CA12: variants seen among roughly 807,000 people sequenced by gnomAD.
CA12 encodes carbonate dehydratase XII.
Under a neutral mutation model 46.8 loss-of-function variants are expected in CA12, and 36 were observed. The ratio of observed to expected loss-of-function variants is 0.77; its 90% CI spans 0.59 to 1.02. The LOEUF is 1.02. Among genes scored for constraint, CA12 ranks in the 50% least tolerant of loss-of-function variants. The pLI is 0.00. For missense variants in CA12, 436 were observed against 451.4 expected, an observed-to-expected ratio of 0.97 and a Z score of 0.31; for synonymous variants, 202 against 187.0, an observed-to-expected ratio of 1.08 and a Z score of -0.65.
In CA12 at chr15:63,348,327, A is replaced by T. The variant is rs928786063; in HGVS notation, c.107-1618T>A. On this transcript the variant is annotated intron_variant, in intron 2 of 10. Coordinates refer to ENST00000178638, the MANE Select transcript of CA12 (RefSeq NM_001218.5). The surrounding 1 kb of genome is among the most constrained non-coding windows in gnomAD (Gnocchi z 4.6). ...CTCAAAATAACTCAACTACACCAAG[A>T]TGGTGACTAGGGAAGAGGGAGGCTG... Among the ~76,000 whole-genome samples the T allele has an allele frequency of 6.6e-6, 1 of 152,174 alleles. No individual in the cohort carries two copies. Among genetic ancestry groups the T allele is most frequent in the Non-Finnish European group, 1.5e-5 (1 of 68,018 alleles).
At chr15:63,358,409 C>T (rs553419781) in intron 2 of CA12, among the ~76,000 whole-genome samples, 17 of 152,332 alleles carry the variant, frequency 1.1e-4, no homozygotes, top group East Asian at 9.7e-4. Context: ...CCGGCACTCA[C>T]GGGAAACCAG....
intron 2 of CA12, among the ~76,000 whole-genome samples, chr15:63,363,118 G>C (rs528439380): frequency 2.0e-5 from 3 of 152,332 alleles, no homozygotes; most frequent in African/African-American, 7.2e-5. Flanking sequence ...AGGCCCTCCT[G>C]AGTTGATTTG....
chr15:63,337,863 G>A (rs575231265), intron 8 of CA12, among the ~76,000 whole-genome samples: 3 of 152,256 alleles, frequency 2.0e-5, no homozygotes, highest in Admixed American at 6.5e-5. Context: ...AGGTGAGAAC[G>A]GGTTATCTTT....
chr15:63,330,055 C>A lies in CA12; in HGVS notation c.875-1925G>T, dbSNP rs1477044009. On this transcript the variant is annotated intron_variant, in intron 8 of 10. Transcript: ENST00000178638. This position sits in a 1 kb window ranked among gnomAD's most constrained non-coding sequence, Gnocchi z 4.0. ...AGAGCTGTCCCCAAGGACAGGGAAG[C>A]CTATTCTCCCTACTCTGCTCACCAC... 5.3e-5 allele frequency among the ~76,000 whole-genome samples: 8 copies of A among 152,194 alleles called. No individual in the cohort carries two copies. Among genetic ancestry groups the A allele is most frequent in the Non-Finnish European group, 1.2e-4 (8 of 68,034 alleles).
At chr15:63,334,800 G>A (rs980056143) in intron 8 of CA12, among the ~76,000 whole-genome samples, 4 of 152,114 alleles carry the variant, frequency 2.6e-5, no homozygotes, top group African/African-American at 4.8e-5. Flanking sequence ...CTCACGCTAC[G>A]TCTCTTGGTC....
chr15:63,343,622 C>T (rs981648751), intron 4 of CA12, among the ~76,000 whole-genome samples: 1 of 152,160 alleles, frequency 6.6e-6, no homozygotes, highest in Non-Finnish European at 1.5e-5. Context: ...AACCACTACA[C>T]TTCCAAGGTC....
rs957908013 is a variant in CA12, at chr15:63,330,310, TTCTTTTTTAAATGTAACCAG to T, written c.875-2200_875-2181del. ...GGAACTTGGTATTAGGGTTGGTTGTTTCTTTTTTAAATGTAACCAGAGACCATGGTCCCTGGAATCTTAAA... is the reference window on the plus strand; with the variant it reads ...GGAACTTGGTATTAGGGTTGGTTGTTAGACCATGGTCCCTGGAATCTTAAA... On this transcript the variant is annotated intron_variant, in intron 8 of 10. Coordinates refer to ENST00000178638, the MANE Select transcript of CA12 (RefSeq NM_001218.5). The surrounding 1 kb of genome is among the most constrained non-coding windows in gnomAD (Gnocchi z 4.0). Among the ~76,000 whole-genome samples, 2 of 152,220 alleles carry T rather than the reference TTCTTTTTTAAATGTAACCAG, an allele frequency of 1.3e-5. No homozygotes were observed. Among genetic ancestry groups the T allele is most frequent in the African/African-American group, 4.8e-5 (2 of 41,452 alleles).
At chr15:63,381,100 T>C (rs903068710) in intron 1 of CA12, among the ~76,000 whole-genome samples, 5 of 152,074 alleles carry the variant, frequency 3.3e-5, no homozygotes, top group Non-Finnish European at 1.5e-5. Flanking sequence ...ACATTCAGCA[T>C]AGTAGAGCCC....
chr15:63,344,439 CCTT>C (rs1595780955), intron 4 of CA12, among the ~76,000 whole-genome samples: 1 of 152,240 alleles, frequency 6.6e-6, no homozygotes, highest in East Asian at 1.9e-4. Flanking sequence ...TTGGTTTACA[CCTT>C]CTTTATTCCC....
intron 1 of CA12, among the ~76,000 whole-genome samples, chr15:63,380,008 A>T (rs2039624878): frequency 6.6e-6 from 1 of 152,190 alleles, no homozygotes; most frequent in South Asian, 2.1e-4. Flanking sequence ...CTTTGACCCC[A>T]TTACTCAGCT....
chr15:63,375,178 C>T (rs1370814290), intron 2 of CA12, among the ~76,000 whole-genome samples: 1 of 152,212 alleles, frequency 6.6e-6, no homozygotes, highest in Non-Finnish European at 1.5e-5. Context: ...CCTCTTCATC[C>T]ATCGCTAGCT....
intron 4 of CA12, among the ~76,000 whole-genome samples, chr15:63,343,279 C>CTTTTTTTTTTTTTTTTTTTTTTTTTTTTT (rs35290345): frequency 1.0e-5 from 1 of 98,772 alleles, no homozygotes; most frequent in Non-Finnish European, 1.9e-5. Flanking sequence ...TAGAAAGAAT[C>CTTTTTTTTTTTTTTTTTTTTTTTTTTTTT]TTTTTTTTTT....
At position 63,339,540 on chromosome 15, in the gene CA12, C is replaced by T. The variant is rs548860787; in HGVS notation, c.748-595G>A. Among the ~76,000 whole-genome samples the T allele has an allele frequency of 6.6e-6, 1 of 152,366 alleles. No individual in the cohort carries two copies. Among genetic ancestry groups the T allele is most frequent in the African/African-American group, 2.4e-5 (1 of 41,584 alleles). On this transcript the variant is annotated intron_variant, in intron 7 of 10. Transcript: ENST00000178638. This position sits in a 1 kb window ranked among gnomAD's most constrained non-coding sequence, Gnocchi z 4.3. ...CATGTCCTCATTCCTGTCCACCCAC[C>T]TGCTGCCATTTACCAGGTGACTCAG...
chr15:63,363,634 C>T (rs1278085759), intron 2 of CA12, among the ~76,000 whole-genome samples: 1 of 152,210 alleles, frequency 6.6e-6, no homozygotes, highest in Non-Finnish European at 1.5e-5. Flanking sequence ...AACAATTCAG[C>T]AGTGATAATT....
chr15:63,368,532 C>A (rs913010070), intron 2 of CA12, among the ~76,000 whole-genome samples: 1 of 152,246 alleles, frequency 6.6e-6, no homozygotes, highest in Admixed American at 6.5e-5. Context: ...TTGAATTCAG[C>A]CTTTTTACTT....
intron 1 of CA12, among the ~76,000 whole-genome samples, chr15:63,380,510 A>G (rs2039631357): frequency 2.0e-5 from 3 of 152,242 alleles, no homozygotes; most frequent in African/African-American, 7.2e-5. Context: ...AAAAGGAAAC[A>G]TGTAAAGTTT....
chr15:63,375,159 T>C (rs1326071772), intron 2 of CA12, among the ~76,000 whole-genome samples: 3 of 152,228 alleles, frequency 2.0e-5, no homozygotes, highest in Non-Finnish European at 4.4e-5. Flanking sequence ...CACTAAGCAC[T>C]GACCAACACC....
At position 63,340,926 on chromosome 15, in the gene CA12, A is replaced by G; in HGVS notation, c.526-143T>C. On this transcript the variant is annotated intron_variant, in intron 5 of 10. Transcript: ENST00000178638. The surrounding 1 kb of genome is among the most constrained non-coding windows in gnomAD (Gnocchi z 4.4). ...CCACTTTACTGGACAATTATGATGGATCACTAGGCTCTTGGGAGTTAGTGT... is the reference window on the plus strand; with the variant it reads ...CCACTTTACTGGACAATTATGATGGGTCACTAGGCTCTTGGGAGTTAGTGT... The G allele has an allele frequency of 1.4e-6, 1 of 729,478 alleles. No individual in the cohort carries two copies. The highest frequency in any genetic ancestry group is 2.5e-6 in the Non-Finnish European group (1 of 399,594). The allele number at this position is 729,478 out of a possible 1,614,324, so 45.2% of individuals were successfully genotyped here. A position where few individuals can be genotyped will look rare whatever the true frequency, so the allele number is the denominator to read the frequency against.
In CA12 at chr15:63,341,900, A is replaced by G; in HGVS notation, c.525+102T>C. The G allele has an allele frequency of 9.8e-6, 8 of 814,300 alleles. No homozygotes were observed. Among genetic ancestry groups the G allele is most frequent in the Non-Finnish European group, 1.7e-5 (8 of 473,716 alleles). 50.4% of individuals were successfully genotyped at this position (814,300 alleles called of 1,614,324 possible). ...TCTGGAGTTGACACGGAGTCGATAC[A>G]GGAACAGCTGATTATCAACAGGTAT... On this transcript the variant is annotated intron_variant, in intron 5 of 10. Transcript: ENST00000178638. The surrounding 1 kb of genome is among the most constrained non-coding windows in gnomAD (Gnocchi z 5.2).
Sources: allele counts gnomAD v4.1 joint callset (sites outside exome capture counted in the v4.1 genomes callset), GRCh38; gene constraint gnomAD v4.1.1; non-coding constraint Gnocchi (gnomAD v3.1); transcripts MANE v1.5; gene names NCBI Gene and HGNC (gene_info 2026-07-23, HGNC 2026-07-21).